KIF13B: variants seen among roughly 807,000 people sequenced by gnomAD.
KIF13B encodes kinesin family member 13B, also known as kinesin-like protein KIF13B.
KIF13B carries 127 observed loss-of-function variants against 222.0 expected under a neutral mutation model. The observed-to-expected ratio is 0.57, with a 90% CI of 0.50 to 0.66. The LOEUF (loss-of-function observed/expected upper bound fraction) is 0.66. Among genes scored for constraint, KIF13B ranks in the 30% least tolerant of loss-of-function variants. The pLI is 0.00. For synonymous variants in KIF13B, 976 were observed against 919.0 expected, an observed-to-expected ratio of 1.06 and a Z score of -1.12; for missense variants, 2,173 against 2,379.0, an observed-to-expected ratio of 0.91 and a Z score of 1.80.
chr8:29,102,534 C>A (rs889210132), intron 35 of KIF13B, among the ~76,000 whole-genome samples: 2 of 152,170 alleles, frequency 1.3e-5, no homozygotes, highest in African/African-American at 2.4e-5. Flanking sequence ...GCCGGAGGCT[C>A]CGGGGAGGGC....
At chr8:29,239,717 C>T (rs916256134) in intron 2 of KIF13B, among the ~76,000 whole-genome samples, 5 of 152,158 alleles carry the variant, frequency 3.3e-5, no homozygotes, top group Non-Finnish European at 7.4e-5. Context: ...AGTTGGAGTG[C>T]GGTGGCACGA....
Position 29,126,515 on chromosome 8 carries a change from A to G in KIF13B, c.3223-4T>C, listed in dbSNP as rs373855579. ...TGTCCATGTCTTCCTCTTCCTCCTA[A>G]AAGAAAATATACATTACAAAGAACT... On this transcript the variant is annotated splice_polypyrimidine_tract_variant and splice_region_variant and intron_variant, in intron 25 of 39. Transcript: ENST00000524189. 2.7e-6 allele frequency: 4 copies of G among 1,508,358 alleles called. No individual in the cohort carries two copies. The highest frequency in any genetic ancestry group is 2.4e-5 in the South Asian group (2 of 85,100). 93.4% of individuals were successfully genotyped at this position (1,508,358 alleles called of 1,614,324 possible).
chr8:29,146,553 AAAG>A lies in KIF13B; in HGVS notation c.2025-16_2025-14del. ...CAACGTTGCTTCTCTAAAAAAAAAT[AAAG>A]AAGCGGCAGAGGTAGGGAAGAGATT... On this transcript the variant is annotated splice_polypyrimidine_tract_variant and intron_variant, in intron 17 of 39. Transcript: ENST00000524189. The A allele has an allele frequency of 2.5e-6, 4 of 1,609,616 alleles. No homozygotes were observed. The highest frequency in any genetic ancestry group is 3.4e-6 in the Non-Finnish European group (4 of 1,178,224).
Position 29,071,802 on chromosome 8 carries a change from G to C in KIF13B, c.5036C>G (p.Ala1679Gly), listed in dbSNP as rs1416791217. The change falls in exon 39 of 40, where the codon GCC (alanine) becomes GGC (glycine). Residue 1679 changes from alanine (A) to glycine (G), a missense_variant. This residue lies in a region of KIF13B where 693 missense variants were observed against 656.2 expected (regional missense o/e 1.06). Coordinates refer to ENST00000524189, the MANE Select transcript of KIF13B (RefSeq NM_015254.4). This position sits in a 1 kb window ranked among gnomAD's most constrained non-coding sequence, Gnocchi z 4.9. ...CSPGAEGNAP[A>G]PGAGGQALAS... ...CAGGGCCTGTCCCCCGGCGCCCGGG[G>C]CCGGCGCATTCCCCTCGGCCCCCGG... 1 of 1,545,788 alleles carries C rather than the reference G, an allele frequency of 6.5e-7. No homozygotes were observed. The highest frequency in any genetic ancestry group is 2.0e-5 in the Admixed American group (1 of 50,940).
chr8:29,155,536 G>A (rs1486728269), intron 14 of KIF13B, among the ~76,000 whole-genome samples, 190 bp downstream of exon 14: 1 of 152,180 alleles, frequency 6.6e-6, no homozygotes, highest in Non-Finnish European at 1.5e-5. Context: ...AATACGTAAG[G>A]CCATGGCAGT....
rs939671229 is a variant in KIF13B, at chr8:29,136,009, G to C, written c.2614-1799C>G. Among the ~76,000 whole-genome samples the C allele has an allele frequency of 7.9e-5, 12 of 152,018 alleles. 1 individual carries two copies. Among genetic ancestry groups the C allele is most frequent in the African/African-American group, 2.7e-4 (11 of 41,468 alleles). On this transcript the variant is annotated intron_variant, in intron 21 of 39. Transcript: ENST00000524189. ...CATATAATGGGTGAGCAACAAACAG[G>C]AACCCCCGTTATAATTCATCTTTTC...
intron 27 of KIF13B, among the ~76,000 whole-genome samples, chr8:29,123,719 G>A (rs1473343037): frequency 1.3e-5 from 2 of 152,236 alleles, no homozygotes; most frequent in Non-Finnish European, 1.5e-5. Context: ...CTGGTCCAGA[G>A]TCAGAGGACT....
chr8:29,241,589 A>AT lies in KIF13B; in HGVS notation c.149+3756dup, dbSNP rs149156062. Among the ~76,000 whole-genome samples, 25 of 151,856 alleles carry AT rather than the reference A, an allele frequency of 1.6e-4. No individual in the cohort carries two copies. The East Asian group carries it at 3.5e-3, about 21-fold the overall frequency. On this transcript the variant is annotated intron_variant, in intron 2 of 39. Transcript: ENST00000524189. ...CATCTGCCTTTCTCACTGTGTTGAC[A>AT]TTTGTGCTGGTGGCACGAACATGAT...
At chr8:29,130,709 T>C in intron 23 of KIF13B, 44 bp from the exon 24 acceptor site, 1 of 1,598,888 alleles carries the variant, frequency 6.3e-7, no homozygotes, top group Non-Finnish European at 8.6e-7. Flanking sequence ...CATTTCTATT[T>C]CATTACAGGC....
chr8:29,262,203 C>G (rs765908141), intron 1 of KIF13B, among the ~76,000 whole-genome samples: 3 of 152,196 alleles, frequency 2.0e-5, no homozygotes, highest in Non-Finnish European at 4.4e-5. Context: ...TCTCCACTCC[C>G]CGGGTCTACA....
At chr8:29,132,214 C>G (rs935527796) in intron 23 of KIF13B, 94 bp downstream of exon 23, 23 of 1,001,784 alleles carry the variant, frequency 2.3e-5, no homozygotes, top group Non-Finnish European at 3.1e-5. Context: ...CCACTGCACT[C>G]CAGCCTGGGT....
At chr8:29,209,244 C>T (rs544723235) in intron 2 of KIF13B, among the ~76,000 whole-genome samples, 4 of 152,256 alleles carry the variant, frequency 2.6e-5, no homozygotes, top group African/African-American at 4.8e-5. Context: ...ATAGAGAAGG[C>T]GCCATGGGCA....
In KIF13B at chr8:29,165,716, C is replaced by G; in HGVS notation, c.1215G>C (p.Gln405His). 2 of 1,613,934 alleles carry G rather than the reference C, an allele frequency of 1.2e-6. No individual in the cohort carries two copies. The highest frequency in any genetic ancestry group is 1.1e-5 in the South Asian group (1 of 91,086). ...TCTCCTCCCAGGTCACAGTCATTTC[C>G]TGGATTAGCTTCTCAGATTCTTCCA... ...DRLEESEKLI[Q>H]EMTVTWEEKL... The change falls in exon 12 of 40, where the codon CAG becomes CAC. Residue 405 changes from glutamine (Q) to histidine (H), a missense_variant. Physicochemically the swap from Gln to His is conservative, Grantham distance 24 (BLOSUM62 0). This residue lies in a region of KIF13B where 1,480 missense variants were observed against 1,722.8 expected (regional missense o/e 0.86). Coordinates refer to ENST00000524189, the MANE Select transcript of KIF13B (RefSeq NM_015254.4).
intron 17 of KIF13B, 101 bp downstream of exon 17, chr8:29,147,291 T>C (rs892795214): frequency 5.7e-5 from 48 of 842,516 alleles, no homozygotes; most frequent in African/African-American, 1.7e-5. Flanking sequence ...ATAATTCTTT[T>C]GTAAGCACCA....
In KIF13B at chr8:29,134,124, C is replaced by G. The variant is rs200740762; in HGVS notation, c.2700G>C (p.Pro900=). 3 of 1,613,744 alleles carry G rather than the reference C, an allele frequency of 1.9e-6. No homozygotes were observed. The highest frequency in any genetic ancestry group is 2.5e-6 in the Non-Finnish European group (3 of 1,179,752). Residue 900 remains proline (P), a synonymous_variant, in exon 22 of 40, where the codon CCG becomes CCC. Transcript: ENST00000524189. ...CKYSFWDQQE[P]VIVAPEVDTS... ...TGTCCACTTCAGGAGCGACAATCAC[C>G]GGCTCCTGTTGATCCCAGAAGCTGT...
At chr8:29,234,714 A>G (rs184805172) in intron 2 of KIF13B, among the ~76,000 whole-genome samples, 16 of 151,746 alleles carry the variant, frequency 1.1e-4, no homozygotes, top group African/African-American at 3.9e-4. Context: ...AGAGGAAAGA[A>G]AAAGTAATGT....
At chr8:29,104,917 T>G (rs1328992893) in intron 35 of KIF13B, among the ~76,000 whole-genome samples, 1 of 151,678 alleles carries the variant, frequency 6.6e-6, no homozygotes, top group African/African-American at 2.4e-5. Flanking sequence ...GCTAATTTTC[T>G]GTATTTTTAG....
intron 2 of KIF13B, chr8:29,218,765 G>A (rs1814607096): frequency 1.3e-5 from 2 of 152,248 alleles, no homozygotes; most frequent in Non-Finnish European, 2.9e-5. Flanking sequence ...CAACTGATGG[G>A]ATTTAGGGAA....
chr8:29,178,889 T>C (rs1248715320), intron 8 of KIF13B, among the ~76,000 whole-genome samples: 2 of 152,030 alleles, frequency 1.3e-5, no homozygotes, highest in Admixed American at 1.3e-4. Context: ...ATATGTAAAA[T>C]TCACATAAAA....
Sources: gnomAD v4.1 joint callset for allele counts (sites outside exome capture counted in the v4.1 genomes callset) on GRCh38, gnomAD v4.1.1 for gene constraint, gnomAD v4.1.1 regional missense constraint, Gnocchi (gnomAD v3.1) non-coding constraint, MANE v1.5 for transcripts, NCBI Gene and HGNC (gene_info 2026-07-23, HGNC 2026-07-21) for gene names.